PTGFR: variants seen among roughly 807,000 people sequenced by gnomAD.
The protein encoded by PTGFR is prostaglandin F2-alpha receptor.
Under a neutral mutation model 26.2 loss-of-function variants are expected in PTGFR, and 15 were observed. The observed-to-expected ratio is 0.57, with a 90% confidence interval of 0.38 to 0.88. The LOEUF is 0.88. Among genes scored for constraint, PTGFR ranks in the 40% least tolerant of loss-of-function variants. The probability of loss-of-function intolerance (pLI) is 0.00; values close to 1 mark genes in which losing one functional copy is unlikely to be tolerated. For missense variants in PTGFR, 369 were observed against 427.2 expected, an observed-to-expected ratio of 0.86 and a Z score of 1.20; for synonymous variants, 165 against 151.1, an observed-to-expected ratio of 1.09 and a Z score of -0.68.
chr1:78,517,167 T>G (rs1269754169), intron 2 of PTGFR, among the ~76,000 whole-genome samples: 2 of 152,192 alleles, frequency 1.3e-5, no homozygotes, highest in Non-Finnish European at 2.9e-5. Context: ...CCAAGGCACT[T>G]AAAATATACC....
At chr1:78,495,479 T>C (rs1484860791) in intron 2 of PTGFR, among the ~76,000 whole-genome samples, 3 of 152,056 alleles carry the variant, frequency 2.0e-5, no homozygotes, top group African/African-American at 7.2e-5. Context: ...GTGAAAGAAA[T>C]ACAAAGAAAG....
chr1:78,504,491 A>G (rs1486117681), intron 2 of PTGFR, among the ~76,000 whole-genome samples: 1 of 152,172 alleles, frequency 6.6e-6, no homozygotes, highest in Non-Finnish European at 1.5e-5. Flanking sequence ...AAAAATACTT[A>G]TAAAATAAAT....
intron 2 of PTGFR, among the ~76,000 whole-genome samples, chr1:78,510,408 T>G (rs1050583908): frequency 8.5e-5 from 13 of 152,212 alleles, no homozygotes; most frequent in African/African-American, 3.1e-4. Context: ...GCACATCATA[T>G]GTCAAGAGAG....
intron 2 of PTGFR, among the ~76,000 whole-genome samples, chr1:78,507,063 T>G (rs748347204): frequency 6.6e-6 from 1 of 152,228 alleles, no homozygotes; most frequent in Non-Finnish European, 1.5e-5. Context: ...CATGCATGAT[T>G]CAAAGGTCAG....
At chr1:78,512,560 CT>C (rs1198799713) in intron 2 of PTGFR, among the ~76,000 whole-genome samples, 4 of 152,156 alleles carry the variant, frequency 2.6e-5, no homozygotes, top group Admixed American at 6.5e-5. Flanking sequence ...TCATTACCAT[CT>C]TGCATGAACT....
In PTGFR at chr1:78,492,751, TG is replaced by T; in HGVS notation, c.9del (p.Met3IlefsTer7). MS[M>X]NNSKQLVSPA... The stretch of plus-strand genomic sequence containing the variant: ...GCTTTTATCTCCACAACAATGTCCA[TG>T]AACAATTCCAAACAGCTAGTGTCTC... On this transcript the variant is annotated frameshift_variant, in exon 2 of 3. Transcript: ENST00000370757. LOFTEE classifies it high-confidence loss of function. The T allele has an allele frequency of 6.2e-7, 1 of 1,611,410 alleles. No homozygotes were observed. Among genetic ancestry groups the T allele is most frequent in the Non-Finnish European group, 8.5e-7 (1 of 1,178,638 alleles).
intron 2 of PTGFR, among the ~76,000 whole-genome samples, chr1:78,524,624 C>A (rs1339567647): frequency 6.6e-6 from 1 of 152,010 alleles, no homozygotes; most frequent in Non-Finnish European, 1.5e-5. Context: ...GAACAATGTC[C>A]TAACTAAAGG....
chr1:78,509,402 T>G (rs1649908447), intron 2 of PTGFR, among the ~76,000 whole-genome samples: 1 of 152,230 alleles, frequency 6.6e-6, no homozygotes, highest in African/African-American at 2.4e-5. Context: ...ATCCTTTTTG[T>G]CTGCTTATAT....
chr1:78,493,049 C>G lies in PTGFR; in HGVS notation c.306C>G (p.Asp102Glu). The change falls in exon 2 of 3, where the codon GAC (aspartate) becomes GAG (glutamate). Residue 102 changes from aspartate to glutamate, a missense_variant. Transcript: ENST00000370757. The stretch of plus-strand genomic sequence containing the variant: ...CTGATAAAGAATGGATCCGCTTTGA[C>G]CAATCAAATGTCCTTTGCAGTATTT... ...YASDKEWIRF[D>E]QSNVLCSIFG... The G allele has an allele frequency of 6.2e-7, 1 of 1,614,216 alleles. No homozygotes were observed. The highest frequency in any genetic ancestry group is 8.5e-7 in the Non-Finnish European group (1 of 1,180,042).
chr1:78,536,742 C>A lies in PTGFR; in HGVS notation c.*55C>A, dbSNP rs1650667445. ...TAGAACAAAATTAAGACATGTTTGG[C>A]AATATTTCAGTTAGTTAAATACCTG... is the stretch of plus-strand genomic sequence containing the variant. On this transcript the variant is annotated 3_prime_UTR_variant, in exon 3 of 3. Coordinates refer to ENST00000370757, the MANE Select transcript of PTGFR (RefSeq NM_000959.4). 1 of 1,530,234 alleles carries A rather than the reference C, an allele frequency of 6.5e-7. No homozygotes were observed. Among genetic ancestry groups the A allele is most frequent in the East Asian group, 2.3e-5 (1 of 43,464 alleles). The allele number at this position is 1,530,234 out of a possible 1,614,324, so 94.8% of individuals were successfully genotyped here. A position where few individuals can be genotyped will look rare whatever the true frequency, so the allele number is the denominator to read the frequency against.
At chr1:78,508,690 A>G (rs1649884010) in intron 2 of PTGFR, among the ~76,000 whole-genome samples, 1 of 152,190 alleles carries the variant, frequency 6.6e-6, no homozygotes, top group Non-Finnish European at 1.5e-5. Flanking sequence ...AGTTGTTCCA[A>G]TGGGAATTTG....
rs537231392 is a variant in PTGFR at position 78,508,151 on chromosome 1, G to T, written c.798+14610G>T. Among the ~76,000 whole-genome samples the T allele has an allele frequency of 2.0e-5, 3 of 151,694 alleles. No individual in the cohort carries two copies. In the East Asian group the frequency reaches 5.8e-4, roughly 29 times the overall value. Reference sequence around the variant, plus strand: ...TTCTATTTTCTTTTTTTCTGTTTGTGCTTCTGGCTACTTTGTTTTTTCCTC... The same window carrying T: ...TTCTATTTTCTTTTTTTCTGTTTGTTCTTCTGGCTACTTTGTTTTTTCCTC... On this transcript the variant is annotated intron_variant, in intron 2 of 2. Transcript: ENST00000370757.
At chr1:78,529,175 T>C (rs894002242) in intron 2 of PTGFR, among the ~76,000 whole-genome samples, 6 of 152,152 alleles carry the variant, frequency 3.9e-5, no homozygotes, top group Non-Finnish European at 5.9e-5. Flanking sequence ...TAATGTGTTA[T>C]AGGAGAGATG....
chr1:78,523,275 T>C (rs962285161), intron 2 of PTGFR, among the ~76,000 whole-genome samples: 1 of 152,150 alleles, frequency 6.6e-6, no homozygotes, highest in African/African-American at 2.4e-5. Context: ...CTGATATATT[T>C]TTCCAAATTG....
intron 2 of PTGFR, among the ~76,000 whole-genome samples, chr1:78,508,610 C>T (rs1649881898): frequency 6.6e-6 from 1 of 152,186 alleles, no homozygotes; most frequent in South Asian, 2.1e-4. Flanking sequence ...TGACTTCTAT[C>T]TCTGATCCAC....
chr1:78,492,495 C>T (rs1003361204), intron 1 of PTGFR, among the ~76,000 whole-genome samples, 177 bp from the exon 2 acceptor site: 2 of 152,140 alleles, frequency 1.3e-5, no homozygotes, highest in African/African-American at 2.4e-5. Flanking sequence ...AGCTTCTTCA[C>T]CTTGAAAATG....
intron 2 of PTGFR, among the ~76,000 whole-genome samples, chr1:78,517,477 T>C (rs1650117844): frequency 6.6e-6 from 1 of 152,152 alleles, no homozygotes; most frequent in Non-Finnish European, 1.5e-5. Context: ...TTAGATTAGA[T>C]ATTCAAGGAC....
chr1:78,493,918 T>C (rs1402255710), intron 2 of PTGFR, among the ~76,000 whole-genome samples: 1 of 152,252 alleles, frequency 6.6e-6, no homozygotes, highest in Non-Finnish European at 1.5e-5. Context: ...CATGAACTTT[T>C]AACTTGTAAA....
intron 2 of PTGFR, chr1:78,498,038 T>G: frequency 1.0e-6 from 1 of 953,124 alleles, no homozygotes. Context: ...CTAGTCAACA[T>G]AGTTAAACAT....
Sources: allele counts gnomAD v4.1 joint callset (sites outside exome capture counted in the v4.1 genomes callset), GRCh38; gene constraint gnomAD v4.1.1; transcripts MANE v1.5; gene names NCBI Gene and HGNC (gene_info 2026-07-23, HGNC 2026-07-21).